Variants in VCAN observed in about 807,000 individuals in gnomAD.
VCAN encodes versican, also known as versican core protein.
VCAN carries 44 observed loss-of-function variants against 245.5 expected under a neutral mutation model. That is an observed-to-expected ratio of 0.18 (90% confidence interval 0.14 to 0.23). VCAN has a LOEUF of 0.23. VCAN is among the 10% of genes least tolerant of loss of function. The pLI is 1.00. For synonymous variants in VCAN, 1,413 were observed against 1,437.0 expected, an observed-to-expected ratio of 0.98 and a Z score of 0.38; for missense variants, 3,793 against 4,057.9, an observed-to-expected ratio of 0.93 and a Z score of 1.77.
intron 14 of VCAN, 68 bp from the exon 15 acceptor site, chr5:83,580,239 C>T (rs1011985671): frequency 1.7e-5 from 27 of 1,613,466 alleles, no homozygotes; most frequent in South Asian, 2.2e-5. Flanking sequence ...GCTGTGGTAT[C>T]GGCAGTTTAG....
intron 5 of VCAN, among the ~76,000 whole-genome samples, chr5:83,498,386 GGTGCTCCATAGGTAGAGCTGA>G (rs2112366749): frequency 6.6e-6 from 1 of 152,252 alleles, no homozygotes; most frequent in South Asian, 2.1e-4. Flanking sequence ...GCATATAGTA[GGTGCTCCATAGGTAGAGCTGA>G]ATAAATGAGT....
intron 13 of VCAN, among the ~76,000 whole-genome samples, chr5:83,572,861 TTTTATTTATTTATTTATTTA>T (rs138181383): frequency 7.0e-6 from 1 of 142,956 alleles, no homozygotes; most frequent in Non-Finnish European, 1.5e-5. Flanking sequence ...ACCTTTTTAT[TTTTATTTATTTATTTATTTA>T]TTTATTTATT....
At chr5:83,572,253 T>C (rs1221334242) in intron 12 of VCAN, among the ~76,000 whole-genome samples, 163 bp from the exon 13 acceptor site, 1 of 152,208 alleles carries the variant, frequency 6.6e-6, no homozygotes, top group Non-Finnish European at 1.5e-5. Flanking sequence ...TATTTTCTAC[T>C]CACAGTTTAA....
At position 83,521,100 on chromosome 5, in the gene VCAN, G is replaced by T; in HGVS notation, c.2794G>T (p.Asp932Tyr). The T allele has an allele frequency of 6.2e-7, 1 of 1,614,142 alleles. No homozygotes were observed. Among genetic ancestry groups the T allele is most frequent in the Non-Finnish European group, 8.5e-7 (1 of 1,179,990 alleles). The stretch of plus-strand genomic sequence containing the variant: ...TGCTTTGGGTGAAGTAGAAGATGTG[G>T]ACCTCTCTAAGCCAGTATCTACTGT... The part of the protein sequence containing the change: ...GSALGEVEDV[D>Y]LSKPVSTVPQ... The change falls in exon 7 of 15, where the codon GAC becomes TAC. Residue 932 changes from aspartate to tyrosine, a missense_variant. Asp to Tyr is a radical substitution (Grantham distance 160). This residue lies in a region of VCAN where 3,182 missense variants were observed against 3,250.3 expected (regional missense o/e 0.98). Coordinates refer to ENST00000265077, the MANE Select transcript of VCAN (RefSeq NM_004385.5).
At chr5:83,500,188 G>A (rs1406335314) in intron 5 of VCAN, among the ~76,000 whole-genome samples, 2 of 152,192 alleles carry the variant, frequency 1.3e-5, no homozygotes, top group Admixed American at 6.5e-5. Context: ...TCAGCTTGAA[G>A]AGCCTCTTGC....
In VCAN at chr5:83,580,163, G is replaced by A; in HGVS notation, c.10063+1G>A. 1 of 1,614,036 alleles carries A rather than the reference G, an allele frequency of 6.2e-7. No homozygotes were observed. The highest frequency in any genetic ancestry group is 2.2e-5 in the East Asian group (1 of 44,866). ...ATACCTAAAATTACCTGCATGAACC[G>A]TAAGTGGTCCTTTAGAAAGAATGGA... On this transcript the variant is annotated splice_donor_variant, in intron 14 of 14. Coordinates refer to ENST00000265077, the MANE Select transcript of VCAN (RefSeq NM_004385.5). LOFTEE classifies it high-confidence loss of function.
At chr5:83,562,761 A>G (rs944605944) in intron 12 of VCAN, among the ~76,000 whole-genome samples, 2 of 152,122 alleles carry the variant, frequency 1.3e-5, no homozygotes, top group Non-Finnish European at 2.9e-5. Flanking sequence ...GCTTGGGGTA[A>G]AGGAGCCTAC....
chr5:83,580,404 G>C lies in VCAN; in HGVS notation c.10161G>C (p.Trp3387Cys), dbSNP rs1748630473. 3.7e-6 allele frequency: 6 copies of C among 1,613,858 alleles called. No homozygotes were observed. The highest frequency in any genetic ancestry group is 5.1e-6 in the Non-Finnish European group (6 of 1,179,930). Residue 3387 changes from tryptophan to cysteine, a missense_variant, in exon 15 of 15, where the codon TGG (tryptophan) becomes TGC (cysteine). Physicochemically the swap from Trp to Cys is radical, Grantham distance 215. Around this residue, in one of 5 missense-constraint regions of VCAN, gnomAD observed 37 missense variants for 28.2 expected, o/e 1.31. Transcript: ENST00000265077. ...ATACATCCAAACATGATCATCGTTG[G>C]AGCCGGAGGTGGCAGGAGTCGAGGC... ...SINTSKHDHR[W>C]SRRWQESRR
intron 5 of VCAN, among the ~76,000 whole-genome samples, chr5:83,500,573 C>T (rs113913679): frequency 4.3e-4 from 66 of 152,274 alleles, no homozygotes; most frequent in African/African-American, 1.6e-3. Flanking sequence ...CTTTGTCAGG[C>T]ACTTTTTAAA....
intron 13 of VCAN, among the ~76,000 whole-genome samples, 159 bp downstream of exon 13, chr5:83,572,719 A>G (rs1434654153): frequency 1.3e-5 from 2 of 152,132 alleles, no homozygotes; most frequent in Non-Finnish European, 2.9e-5. Context: ...TTCCAAAACA[A>G]TTGAAAAGTT....
intron 12 of VCAN, among the ~76,000 whole-genome samples, chr5:83,564,978 G>T (rs1334091866): frequency 1.3e-5 from 2 of 152,164 alleles, no homozygotes; most frequent in African/African-American, 2.4e-5. Context: ...AAAGGTGACT[G>T]CACCTAAGCT....
intron 10 of VCAN, 57 bp downstream of exon 10, chr5:83,548,141 T>G (rs1436178768): frequency 1.5e-6 from 2 of 1,354,136 alleles, no homozygotes; most frequent in Non-Finnish European, 2.1e-6. Flanking sequence ...TTTAGCAATT[T>G]TGGCCTCAAT....
intron 6 of VCAN, among the ~76,000 whole-genome samples, chr5:83,517,915 A>G (rs1214465704): frequency 6.6e-6 from 1 of 152,218 alleles, no homozygotes; most frequent in Non-Finnish European, 1.5e-5. Flanking sequence ...CAGACAAAAA[A>G]TAAGGAACCT....
chr5:83,499,539 T>C (rs1745266443), intron 5 of VCAN, among the ~76,000 whole-genome samples: 1 of 152,206 alleles, frequency 6.6e-6, no homozygotes, highest in South Asian at 2.1e-4. Flanking sequence ...GATCTACTTT[T>C]TACCATTATT....
rs975246932 is a variant in VCAN, at chr5:83,573,513, A to G, written c.9880+953A>G. ...ATAATCCTAAATGTTGAAATCTCAA[A>G]GGATTAAAATCCCAAAAATAGAATT... On this transcript the variant is annotated intron_variant, in intron 13 of 14. Transcript: ENST00000265077. Among the ~76,000 whole-genome samples, 4 of 152,202 alleles carry G rather than the reference A, an allele frequency of 2.6e-5. No homozygotes were observed. The East Asian group carries it at 7.7e-4, about 29-fold the overall frequency.
In VCAN at chr5:83,519,732, G is replaced by A; in HGVS notation, c.1426G>A (p.Gly476Ser). The change falls in exon 7 of 15, where the codon GGT becomes AGT. Residue 476 changes from glycine (G) to serine (S), a missense_variant. Gly to Ser is a moderately conservative substitution (Grantham distance 56). Coordinates refer to ENST00000265077, the MANE Select transcript of VCAN (RefSeq NM_004385.5). ...VSHYATDSWD[G>S]VVEDKQTQES... ...TCATTATGCTACGGATTCATGGGAT[G>A]GTGTCGTGGAAGATAAACAAACACA... The A allele has an allele frequency of 6.2e-7, 1 of 1,614,100 alleles. No homozygotes were observed. The highest frequency in any genetic ancestry group is 1.1e-5 in the South Asian group (1 of 91,076).
intron 11 of VCAN, among the ~76,000 whole-genome samples, chr5:83,554,497 C>T (rs1190091567): frequency 6.6e-6 from 1 of 151,860 alleles, no homozygotes; most frequent in African/African-American, 2.4e-5. Flanking sequence ...TAGGTGTTCA[C>T]TAATTAAAAT....
Position 83,540,822 on chromosome 5 carries a change from G to A in VCAN, c.7819G>A (p.Asp2607Asn), listed in dbSNP as rs756430089. Residue 2607 changes from aspartate (D) to asparagine (N), a missense_variant, in exon 8 of 15, where the codon GAC becomes AAC. Coordinates refer to ENST00000265077, the MANE Select transcript of VCAN (RefSeq NM_004385.5). The stretch of plus-strand genomic sequence containing the variant: ...TACAGAGGTACCATCAGAACCACAT[G>A]ACAGTAATGATGAAAGTAATGATGA... The part of the protein sequence containing the change: ...IDTEVPSEPH[D>N]SNDESNDDST... 1 of 1,614,006 alleles carries A rather than the reference G, an allele frequency of 6.2e-7. No individual in the cohort carries two copies. Among genetic ancestry groups the A allele is most frequent in the Non-Finnish European group, 8.5e-7 (1 of 1,179,960 alleles).
intron 7 of VCAN, among the ~76,000 whole-genome samples, chr5:83,522,882 T>C (rs1746161263): frequency 6.6e-6 from 1 of 152,180 alleles, no homozygotes; most frequent in African/African-American, 2.4e-5. Context: ...TGCTATTGTT[T>C]TGGGGTATTT....
Sources: allele counts gnomAD v4.1 joint callset (sites outside exome capture counted in the v4.1 genomes callset), GRCh38; gene constraint gnomAD v4.1.1; regional missense constraint gnomAD v4.1.1; transcripts MANE v1.5; gene names NCBI Gene and HGNC (gene_info 2026-07-23, HGNC 2026-07-21).